The following STXBP5L variants were observed in gnomAD, a reference collection of about 807,000 sequenced individuals.
STXBP5L encodes the protein syntaxin-binding protein 5-like.
Under a neutral mutation model 144.5 loss-of-function variants are expected in STXBP5L, and 65 were observed. That is an observed-to-expected ratio of 0.45 (90% CI 0.37 to 0.55). STXBP5L has a LOEUF of 0.55. STXBP5L is among the 20% of genes least tolerant of loss of function. The probability of loss-of-function intolerance (pLI) is 0.00; values close to 1 mark genes in which losing one functional copy is unlikely to be tolerated. For missense variants in STXBP5L, 1,298 were observed against 1,405.5 expected, an observed-to-expected ratio of 0.92 and a Z score of 1.22; for synonymous variants, 505 against 469.6, an observed-to-expected ratio of 1.08 and a Z score of -0.97.
intron 20 of STXBP5L, among the ~76,000 whole-genome samples, chr3:121,360,777 T>C (rs1259626232): frequency 6.6e-6 from 1 of 152,146 alleles, no homozygotes; most frequent in Admixed American, 6.5e-5. Context: ...TATTATTTTT[T>C]ATTGTTTCAT....
At position 121,279,904 on chromosome 3, in the gene STXBP5L, C is replaced by T. The variant is rs188146761; in HGVS notation, c.2058C>T (p.Asp686=). The change falls in exon 19 of 27, where the codon GAC becomes GAT. Residue 686 remains aspartate (D), a synonymous_variant. Coordinates refer to ENST00000471454, the MANE Select transcript of STXBP5L (RefSeq NM_001308330.2). ...CCATTGACCTATATAGATCAAGTGA[C>T]TTATACCAGCGACAACCACGGTCTC... ...MGTIDLYRSS[D]LYQRQPRSPR... The T allele has an allele frequency of 1.9e-6, 3 of 1,612,452 alleles. No homozygotes were observed. Among genetic ancestry groups the T allele is most frequent in the African/African-American group, 2.7e-5 (2 of 74,920 alleles).
At chr3:121,256,518 T>C (rs1366299277) in intron 16 of STXBP5L, among the ~76,000 whole-genome samples, 4 of 151,980 alleles carry the variant, frequency 2.6e-5, no homozygotes, top group African/African-American at 9.7e-5. Context: ...TAAATTATTA[T>C]ATGTTTTTTA....
At chr3:121,263,258 GA>G (rs2050444164) in intron 18 of STXBP5L, among the ~76,000 whole-genome samples, 2 of 152,084 alleles carry the variant, frequency 1.3e-5, no homozygotes, top group Admixed American at 1.3e-4. Context: ...CTAACAAACA[GA>G]AAAAAATAGC....
intron 9 of STXBP5L, among the ~76,000 whole-genome samples, chr3:121,197,479 T>A (rs1043452465): frequency 3.9e-5 from 6 of 152,144 alleles, no homozygotes; most frequent in Admixed American, 1.3e-4. Flanking sequence ...TTTTAAAAAA[T>A]TTAATTTCTA....
At chr3:120,991,588 C>G (rs1386363730) in intron 3 of STXBP5L, among the ~76,000 whole-genome samples, 1 of 152,150 alleles carries the variant, frequency 6.6e-6, no homozygotes, top group Non-Finnish European at 1.5e-5. Context: ...ACCCAAATGT[C>G]CAACAATGAT....
At chr3:121,402,974 C>G (rs1232133600) in intron 22 of STXBP5L, among the ~76,000 whole-genome samples, 1 of 152,150 alleles carries the variant, frequency 6.6e-6, no homozygotes, top group Non-Finnish European at 1.5e-5. Context: ...GGACTACAGG[C>G]ATGCCATCAT....
chr3:121,226,766 T>G (rs1048338418), intron 11 of STXBP5L, among the ~76,000 whole-genome samples: 9 of 152,196 alleles, frequency 5.9e-5, no homozygotes, highest in African/African-American at 2.2e-4. Context: ...AATTTTGCTT[T>G]TCTTAGAAGC....
intron 5 of STXBP5L, among the ~76,000 whole-genome samples, chr3:121,049,285 C>T (rs1334083964): frequency 1.3e-5 from 2 of 152,098 alleles, no homozygotes; most frequent in South Asian, 2.1e-4. Context: ...AACATGGTGG[C>T]CTGCCTTTCC....
intron 3 of STXBP5L, among the ~76,000 whole-genome samples, chr3:120,968,835 T>G (rs1211218019): frequency 2.0e-5 from 3 of 152,186 alleles, no homozygotes; most frequent in African/African-American, 7.2e-5. Flanking sequence ...TCACTTAGAA[T>G]AATGGCCTCC....
intron 3 of STXBP5L, among the ~76,000 whole-genome samples, chr3:120,997,616 G>C (rs983008499): frequency 1.3e-5 from 2 of 152,012 alleles, no homozygotes; most frequent in East Asian, 1.9e-4. Flanking sequence ...CCAATTTTTA[G>C]TGGGGTTGTT....
intron 5 of STXBP5L, among the ~76,000 whole-genome samples, chr3:121,056,418 C>T (rs758000470): frequency 6.6e-6 from 1 of 152,018 alleles, no homozygotes; most frequent in East Asian, 1.9e-4. Flanking sequence ...TAGTGTTCTG[C>T]TACTTACTAT....
intron 9 of STXBP5L, among the ~76,000 whole-genome samples, chr3:121,177,065 G>A (rs1409007877): frequency 6.7e-6 from 1 of 149,064 alleles, no homozygotes; most frequent in East Asian, 1.9e-4. Context: ...AAATCTGCTA[G>A]GCCAATATGC....
At chr3:121,022,383 T>C (rs1361058364) in intron 3 of STXBP5L, among the ~76,000 whole-genome samples, 1 of 152,142 alleles carries the variant, frequency 6.6e-6, no homozygotes, top group Non-Finnish European at 1.5e-5. Context: ...CTATTGACAC[T>C]ATTCTAAAAG....
chr3:121,365,710 C>T (rs2045846171), intron 20 of STXBP5L, among the ~76,000 whole-genome samples: 1 of 151,190 alleles, frequency 6.6e-6, no homozygotes, highest in African/African-American at 2.4e-5. Context: ...TGTTGATTTT[C>T]TGAAGACCCA....
At chr3:121,091,731 T>G (rs1182566733) in intron 5 of STXBP5L, among the ~76,000 whole-genome samples, 3 of 152,252 alleles carry the variant, frequency 2.0e-5, no homozygotes, top group African/African-American at 7.2e-5. Flanking sequence ...AGGTTGCCTG[T>G]TCACTCTGAT....
intron 5 of STXBP5L, among the ~76,000 whole-genome samples, chr3:121,079,471 T>A (rs73189313): frequency 2.6e-5 from 4 of 152,232 alleles, no homozygotes; most frequent in African/African-American, 9.6e-5. Context: ...ATATTCCTTT[T>A]TAACTTGAGT....
intron 5 of STXBP5L, chr3:121,099,643 C>G (rs1296613247): frequency 6.5e-6 from 1 of 152,880 alleles, no homozygotes; most frequent in Non-Finnish European, 1.5e-5. Context: ...AAGAAAACCT[C>G]TATTGGACAG....
chr3:120,932,699 A>G (rs1710009124), intron 2 of STXBP5L, among the ~76,000 whole-genome samples: 1 of 152,168 alleles, frequency 6.6e-6, no homozygotes. Context: ...ATTACTGGGT[A>G]TATGCCCAAA....
chr3:121,218,953 TTAG>T (rs1255549080), intron 10 of STXBP5L, among the ~76,000 whole-genome samples: 1 of 152,160 alleles, frequency 6.6e-6, no homozygotes, highest in Non-Finnish European at 1.5e-5. Context: ...AGTGGGTTTC[TTAG>T]TAGTTACTAT....
Sources: allele counts gnomAD v4.1 joint callset (sites outside exome capture counted in the v4.1 genomes callset), GRCh38; gene constraint gnomAD v4.1.1; transcripts MANE v1.5; gene names NCBI Gene and HGNC (gene_info 2026-07-23, HGNC 2026-07-21).